Variants in ANKRD13B observed in about 807,000 individuals in gnomAD.
ANKRD13B encodes the protein ankyrin repeat domain-containing protein 13B.
ANKRD13B carries 33 observed loss-of-function variants against 74.4 expected under a neutral mutation model. The observed-to-expected ratio is 0.44, with a 90% CI of 0.34 to 0.59. The LOEUF (loss-of-function observed/expected upper bound fraction) is 0.59, where lower values mean the gene tolerates loss of function less well. ANKRD13B is among the 20% of genes least tolerant of loss of function. The probability of loss-of-function intolerance (pLI) is 0.02; values close to 1 mark genes in which losing one functional copy is unlikely to be tolerated. For missense variants in ANKRD13B, 676 were observed against 877.9 expected (o/e 0.77, Z 2.91); for synonymous variants, 341 against 362.9 (o/e 0.94, Z 0.68).
At chr17:29,603,752 A>T (rs1208828241) in intron 1 of ANKRD13B, among the ~76,000 whole-genome samples, 3 of 151,986 alleles carry the variant, frequency 2.0e-5, no homozygotes, top group Non-Finnish European at 4.4e-5. Flanking sequence ...TCCTCTCCTC[A>T]TGAACATCTT....
intron 1 of ANKRD13B, among the ~76,000 whole-genome samples, chr17:29,604,400 G>GTAT (rs2034290568): frequency 1.3e-5 from 2 of 151,704 alleles, no homozygotes; most frequent in Non-Finnish European, 2.9e-5. Flanking sequence ...GTAGACATGG[G>GTAT]GTTTTGGTAT....
At position 29,593,575 on chromosome 17, in the gene ANKRD13B, C is replaced by T; in HGVS notation, c.-47C>T. 9.8e-7 allele frequency: 1 copy of T among 1,019,970 alleles called. No individual in the cohort carries two copies. The highest frequency in any genetic ancestry group is 4.3e-5 in the South Asian group (1 of 23,486). The allele number at this position is 1,019,970 out of a possible 1,614,324, so 63.2% of individuals were successfully genotyped here. On this transcript the variant is annotated 5_prime_UTR_variant, in exon 1 of 15. Coordinates refer to ENST00000394859, the MANE Select transcript of ANKRD13B (RefSeq NM_152345.5). ...CCCCGGGCCCCGGCTCCGGCGCCGT[C>T]CCTCCTCCCCGGCCGGGCGCCGCGG...
Position 29,612,897 on chromosome 17 carries a change from G to T in ANKRD13B, c.1586G>T (p.Trp529Leu). The T allele has an allele frequency of 6.3e-7, 1 of 1,598,646 alleles. No individual in the cohort carries two copies. The highest frequency in any genetic ancestry group is 8.5e-7 in the Non-Finnish European group (1 of 1,179,624). The change falls in exon 14 of 15, where the codon TGG (tryptophan) becomes TTG (leucine). Residue 529 changes from tryptophan to leucine, a missense_variant. By Grantham distance (61) the Trp-to-Leu change is moderately conservative (BLOSUM62 -2). Transcript: ENST00000394859. The surrounding 1 kb of genome is among the most constrained non-coding windows in gnomAD (Gnocchi z 6.1). ...CACGCCTCCCCGCAGGTCACCATCT[G>T]GGAGGCGCTAACCAACAGCAAGCCA... is the stretch of plus-strand genomic sequence containing the variant. ...AGSEYDQVTI[W>L]EALTNSKPGT...
Position 29,611,628 on chromosome 17 carries a change from G to C in ANKRD13B, c.954G>C (p.Gly318=), listed in dbSNP as rs763086734. The change falls in exon 9 of 15, where the codon GGG becomes GGC. Residue 318 remains glycine (G), a synonymous_variant. Transcript: ENST00000394859. This position sits in a 1 kb window ranked among gnomAD's most constrained non-coding sequence, Gnocchi z 4.3. ...TCCTGGGAATCGCTGAGCAGCACGG[G>C]GGCCCCCAAAATGGGGTGAGTGTGT... ...QSFLGIAEQH[G]GPQNGTLITQ... is the part of the protein sequence containing the mutation. The C allele has an allele frequency of 1.3e-4, 212 of 1,614,090 alleles. No individual in the cohort carries two copies. Among genetic ancestry groups the C allele is most frequent in the Non-Finnish European group, 1.2e-4 (137 of 1,180,032 alleles).
In ANKRD13B at chr17:29,612,619, C is replaced by G. The variant is rs773127231; in HGVS notation, c.1412-33C>G. Reference sequence around the variant, plus strand: ...CCGGGGTGGGTGGGAGGGGCGCGCCCGGCCGTGCCTGACCCAGCCCCCGCG... The same window carrying G: ...CCGGGGTGGGTGGGAGGGGCGCGCCGGGCCGTGCCTGACCCAGCCCCCGCG... On this transcript the variant is annotated intron_variant, in intron 12 of 14. Transcript: ENST00000394859. The surrounding 1 kb of genome is among the most constrained non-coding windows in gnomAD (Gnocchi z 6.1). The G allele has an allele frequency of 2.9e-5, 44 of 1,519,154 alleles. No homozygotes were observed. In the South Asian group the frequency reaches 4.9e-4, roughly 17 times the overall value. The allele number at this position is 1,519,154 out of a possible 1,614,324, so 94.1% of individuals were successfully genotyped here.
intron 1 of ANKRD13B, among the ~76,000 whole-genome samples, chr17:29,603,214 T>G (rs187357118): frequency 6.6e-6 from 1 of 152,180 alleles, no homozygotes; most frequent in Non-Finnish European, 1.5e-5. Flanking sequence ...CCAATAGATA[T>G]ATGTTACAAT....
At position 29,612,749 on chromosome 17, in the gene ANKRD13B, C is replaced by G; in HGVS notation, c.1509C>G (p.Asp503Glu). The G allele has an allele frequency of 6.2e-7, 1 of 1,602,184 alleles. No homozygotes were observed. Among genetic ancestry groups the G allele is most frequent in the Non-Finnish European group, 8.5e-7 (1 of 1,178,864 alleles). Residue 503 changes from aspartate to glutamate, a missense_variant, in exon 13 of 15, where the codon GAC becomes GAG. Asp to Glu is a conservative substitution (Grantham distance 45, BLOSUM62 2). This residue lies in a region of ANKRD13B where 152 missense variants were observed against 181.4 expected (regional missense o/e 0.84). Coordinates refer to ENST00000394859, the MANE Select transcript of ANKRD13B (RefSeq NM_152345.5). The surrounding 1 kb of genome is among the most constrained non-coding windows in gnomAD (Gnocchi z 6.1). ...GGQREAATRD[D>E]DDDLLQFAIQ... ...AGCGGGAGGCGGCGACCCGGGACGACGACGACGACCTGCTGCAATTCGCCA... is the reference window on the plus strand; with the variant it reads ...AGCGGGAGGCGGCGACCCGGGACGAGGACGACGACCTGCTGCAATTCGCCA...
At chr17:29,597,410 A>G (rs545288526) in intron 1 of ANKRD13B, among the ~76,000 whole-genome samples, 3 of 152,146 alleles carry the variant, frequency 2.0e-5, no homozygotes, top group African/African-American at 7.2e-5. Flanking sequence ...GTGTATCTGT[A>G]TGGTACCAGT....
chr17:29,607,910 C>A, intron 2 of ANKRD13B, 33 bp downstream of exon 2: 1 of 1,579,170 alleles, frequency 6.3e-7, no homozygotes, highest in Non-Finnish European at 8.6e-7. Context: ...GCCCCACAGC[C>A]GGGGCCTCCC....
In ANKRD13B at chr17:29,593,485, C is replaced by T. The variant is rs1224582895; in HGVS notation, c.-137C>T. The T allele has an allele frequency of 4.8e-5, 10 of 209,578 alleles. No individual in the cohort carries two copies. The highest frequency in any genetic ancestry group is 3.4e-4 in the Admixed American group (5 of 14,742). The allele number at this position is 209,578 out of a possible 1,614,324, so 13.0% of individuals were successfully genotyped here. A position where few individuals can be genotyped will look rare whatever the true frequency, so the allele number is the denominator to read the frequency against. On this transcript the variant is annotated 5_prime_UTR_variant, in exon 1 of 15. Transcript: ENST00000394859. ...GCGCCGGGCGCGCCGCCCCCGCCCG[C>T]CGCCGCTCGCACATGCCCGAGCCGC...
At chr17:29,593,827 C>T in intron 1 of ANKRD13B, 92 bp downstream of exon 1, 1 of 677,770 alleles carries the variant, frequency 1.5e-6, no homozygotes, top group Non-Finnish European at 2.0e-6. Flanking sequence ...GTCCCGCCTC[C>T]CTGGCGAGTT....
Position 29,593,176 on chromosome 17 carries a change from C to T in ANKRD13B, c.-446C>T, listed in dbSNP as rs910733598. Among the ~76,000 whole-genome samples the T allele has an allele frequency of 8.6e-5, 13 of 151,782 alleles. No homozygotes were observed. The highest frequency in any genetic ancestry group is 2.7e-4 in the African/African-American group (11 of 41,476). ...ACATCCCCGTATCCCGCGCCGGCCGCTCGGGCTGAGGGCCGGGCTATGCAG... is the reference window on the plus strand; with the variant it reads ...ACATCCCCGTATCCCGCGCCGGCCGTTCGGGCTGAGGGCCGGGCTATGCAG... On this transcript the variant is annotated 5_prime_UTR_variant, in exon 1 of 15. Coordinates refer to ENST00000394859, the MANE Select transcript of ANKRD13B (RefSeq NM_152345.5).
At chr17:29,602,393 T>TC (rs2034213524) in intron 1 of ANKRD13B, among the ~76,000 whole-genome samples, 1 of 62,070 alleles carries the variant, frequency 1.6e-5, no homozygotes, top group Non-Finnish European at 3.0e-5. Context: ...AGATTCCATC[T>TC]CAAAAAAAAA....
rs1190175965 is a variant in ANKRD13B, at chr17:29,612,286, G to A, written c.1258+13G>A. The A allele has an allele frequency of 4.3e-6, 7 of 1,613,576 alleles. No homozygotes were observed. In the African/African-American group the frequency reaches 5.3e-5, roughly 12 times the overall value. ...CCAGTTAAGATTGGTGAGACCGCAC[G>A]GCCATTTCTCCTGAGCCCGTGGCGG... is the stretch of plus-strand genomic sequence containing the variant. On this transcript the variant is annotated intron_variant, in intron 11 of 14. Transcript: ENST00000394859. This position sits in a 1 kb window ranked among gnomAD's most constrained non-coding sequence, Gnocchi z 6.1.
Position 29,612,989 on chromosome 17 carries a change from A to G in ANKRD13B, c.1652+26A>G, listed in dbSNP as rs1488231142. ...GTCAGTGCCCGCTGGGCCGGAGAGAATCCTCCGGAGAGGATCCTGTCTCCC... is the reference window on the plus strand; with the variant it reads ...GTCAGTGCCCGCTGGGCCGGAGAGAGTCCTCCGGAGAGGATCCTGTCTCCC... On this transcript the variant is annotated intron_variant, in intron 14 of 14. Coordinates refer to ENST00000394859, the MANE Select transcript of ANKRD13B (RefSeq NM_152345.5). This position sits in a 1 kb window ranked among gnomAD's most constrained non-coding sequence, Gnocchi z 6.1. The G allele has an allele frequency of 6.3e-7, 1 of 1,588,392 alleles. No homozygotes were observed. Among genetic ancestry groups the G allele is most frequent in the African/African-American group, 1.3e-5 (1 of 74,652 alleles).
chr17:29,602,648 C>T (rs2034224076), intron 1 of ANKRD13B, among the ~76,000 whole-genome samples: 1 of 152,132 alleles, frequency 6.6e-6, no homozygotes, highest in South Asian at 2.1e-4. Context: ...TTAGGGCCCC[C>T]TGGGTGATCC....
chr17:29,608,392 A>G lies in ANKRD13B; in HGVS notation c.421+152A>G. The G allele has an allele frequency of 1.1e-6, 1 of 937,450 alleles. No individual in the cohort carries two copies. The highest frequency in any genetic ancestry group is 1.6e-6 in the Non-Finnish European group (1 of 630,150). The allele number at this position is 937,450 out of a possible 1,614,324, so 58.1% of individuals were successfully genotyped here. On this transcript the variant is annotated intron_variant, in intron 4 of 14. Coordinates refer to ENST00000394859, the MANE Select transcript of ANKRD13B (RefSeq NM_152345.5). This position sits in a 1 kb window ranked among gnomAD's most constrained non-coding sequence, Gnocchi z 6.4. The stretch of plus-strand genomic sequence containing the variant: ...CACCGCCTCAGCTAGGCCTTTCCAG[A>G]TTGCCCCAGATACTGTCTTGACTCC...
At position 29,612,387 on chromosome 17, in the gene ANKRD13B, T is replaced by A. The variant is rs1467126827; in HGVS notation, c.1259-15T>A. 1 of 1,611,998 alleles carries A rather than the reference T, an allele frequency of 6.2e-7. No homozygotes were observed. Among genetic ancestry groups the A allele is most frequent in the Non-Finnish European group, 8.5e-7 (1 of 1,179,268 alleles). On this transcript the variant is annotated splice_polypyrimidine_tract_variant and intron_variant, in intron 11 of 14. Coordinates refer to ENST00000394859, the MANE Select transcript of ANKRD13B (RefSeq NM_152345.5). The surrounding 1 kb of genome is among the most constrained non-coding windows in gnomAD (Gnocchi z 6.1). ...GGGGCTGAGTGGTGGCGCCTAAAGG[T>A]TTCCTCATCCTCAGAAATCCCGATC...
In ANKRD13B at chr17:29,593,547, C is replaced by CGGCCCCG. The variant is rs1392141841; in HGVS notation, c.-66_-60dup. ...CAGGCAGCGCCGGCCCCCCGCCCCG[C>CGGCCCCG]GGCCCCGGGCCCCGGCTCCGGCGCC... On this transcript the variant is annotated 5_prime_UTR_variant, in exon 1 of 15. The change creates a premature stop within an existing upstream ORF in the 5' untranslated region. Coordinates refer to ENST00000394859, the MANE Select transcript of ANKRD13B (RefSeq NM_152345.5). 1.4e-5 allele frequency: 9 copies of CGGCCCCG among 623,746 alleles called. No individual in the cohort carries two copies. The highest frequency in any genetic ancestry group is 1.4e-4 in the South Asian group (2 of 14,590). 38.6% of individuals were successfully genotyped at this position (623,746 alleles called of 1,614,324 possible). A position where few individuals can be genotyped will look rare whatever the true frequency, so the allele number is the denominator to read the frequency against.
Sources: allele counts gnomAD v4.1 joint callset (sites outside exome capture counted in the v4.1 genomes callset), GRCh38; gene constraint gnomAD v4.1.1; regional missense constraint gnomAD v4.1.1; non-coding constraint Gnocchi (gnomAD v3.1); transcripts MANE v1.5; gene names NCBI Gene and HGNC (gene_info 2026-07-23, HGNC 2026-07-21).